The following PPM1L variants were observed in gnomAD, a reference collection of about 807,000 sequenced individuals.
The protein encoded by PPM1L is protein phosphatase, Mg2+/Mn2+ dependent 1L.
Under a neutral mutation model 31.4 loss-of-function variants are expected in PPM1L, and 13 were observed. That is an observed-to-expected ratio of 0.41 (90% confidence interval 0.27 to 0.66). The LOEUF (loss-of-function observed/expected upper bound fraction) is 0.66. Among genes scored for constraint, PPM1L ranks in the 30% least tolerant of loss-of-function variants. The pLI, the probability that PPM1L is intolerant of heterozygous loss-of-function variation, is 0.29. For missense variants in PPM1L, 326 were observed against 453.7 expected (o/e 0.72, Z 2.56); for synonymous variants, 184 against 175.4 (o/e 1.05, Z -0.39).
chr3:161,042,778 T>A (rs994540901), intron 2 of PPM1L, among the ~76,000 whole-genome samples: 1 of 152,146 alleles, frequency 6.6e-6, no homozygotes, highest in African/African-American at 2.4e-5. Context: ...CCCAGCACTT[T>A]GGGAGGCTGA....
At chr3:160,873,586 C>T (rs577612667) in intron 1 of PPM1L, among the ~76,000 whole-genome samples, 3 of 152,110 alleles carry the variant, frequency 2.0e-5, no homozygotes, top group East Asian at 1.9e-4. Context: ...CTCACTCTAT[C>T]GCCCAGGTTA....
chr3:160,769,426 T>C (rs947258169), intron 1 of PPM1L, among the ~76,000 whole-genome samples: 1 of 152,188 alleles, frequency 6.6e-6, no homozygotes, highest in Non-Finnish European at 1.5e-5. Context: ...AGGGATGGTT[T>C]TATTTGGGAG....
At position 160,832,106 on chromosome 3, in the gene PPM1L, T is replaced by C. The variant is rs148417455; in HGVS notation, c.399+75399T>C. ...AAGAGATTAGAGATGTAAAGATGAG[T>C]ATGTGTTCATTTTATTCAGGGAGCT... On this transcript the variant is annotated intron_variant, in intron 1 of 3. Coordinates refer to ENST00000498165, the MANE Select transcript of PPM1L (RefSeq NM_139245.4). Among the ~76,000 whole-genome samples the C allele has an allele frequency of 9.1e-4, 138 of 152,272 alleles. 2 individuals are homozygous for C. The highest frequency in any genetic ancestry group is 3.1e-3 in the African/African-American group (129 of 41,554).
chr3:160,927,353 A>G (rs569004473), intron 1 of PPM1L, among the ~76,000 whole-genome samples: 1 of 152,296 alleles, frequency 6.6e-6, no homozygotes, highest in South Asian at 2.1e-4. Context: ...TGCTGTGGAT[A>G]TTTTTAAAAT....
chr3:160,872,533 A>G (rs975354066), intron 1 of PPM1L, among the ~76,000 whole-genome samples: 1 of 152,236 alleles, frequency 6.6e-6, no homozygotes, highest in Admixed American at 6.5e-5. Flanking sequence ...TATAACAGGG[A>G]ACAAACCAGA....
chr3:160,898,766 C>T (rs1162737632), intron 1 of PPM1L, among the ~76,000 whole-genome samples: 1 of 152,220 alleles, frequency 6.6e-6, no homozygotes, highest in Non-Finnish European at 1.5e-5. Flanking sequence ...GTAGGTGCCA[C>T]TTATGAACAC....
At chr3:160,969,925 A>C (rs1368192636) in intron 2 of PPM1L, among the ~76,000 whole-genome samples, 2 of 152,364 alleles carry the variant, frequency 1.3e-5, no homozygotes, top group South Asian at 2.1e-4. Flanking sequence ...GATAATCTTT[A>C]ATTCTACTAC....
intron 1 of PPM1L, among the ~76,000 whole-genome samples, chr3:160,825,871 A>G (rs748448204): frequency 3.3e-5 from 5 of 152,148 alleles, no homozygotes; most frequent in Non-Finnish European, 7.3e-5. Context: ...AATAGGGCAG[A>G]ATGCAGCCAG....
At chr3:161,057,331 A>T (rs2108103461) in intron 2 of PPM1L, among the ~76,000 whole-genome samples, 1 of 152,158 alleles carries the variant, frequency 6.6e-6, no homozygotes, top group East Asian at 1.9e-4. Context: ...TACCCATTTT[A>T]TGCATTTATA....
chr3:161,048,858 C>T (rs1309741000), intron 2 of PPM1L, among the ~76,000 whole-genome samples: 4 of 138,816 alleles, frequency 2.9e-5, no homozygotes, highest in Non-Finnish European at 6.0e-5. Context: ...CATGTTCTCA[C>T]TTATAAGTGG....
chr3:160,935,874 T>C (rs1161196710), intron 1 of PPM1L, among the ~76,000 whole-genome samples: 1 of 152,210 alleles, frequency 6.6e-6, no homozygotes, highest in Non-Finnish European at 1.5e-5. Context: ...AACAATCCAG[T>C]AAAGCTGGCA....
At chr3:160,757,397 G>A (rs1222939452) in intron 1 of PPM1L, among the ~76,000 whole-genome samples, 1 of 152,272 alleles carries the variant, frequency 6.6e-6, no homozygotes, top group Non-Finnish European at 1.5e-5. Context: ...AGGAGGCGGT[G>A]CTTTGACCTC....
At chr3:160,783,982 T>C (rs1711824170) in intron 1 of PPM1L, among the ~76,000 whole-genome samples, 1 of 152,230 alleles carries the variant, frequency 6.6e-6, no homozygotes, top group South Asian at 2.1e-4. Flanking sequence ...AGGTTACAAG[T>C]ATCTAAAAAG....
chr3:160,790,898 A>G (rs569096151), intron 1 of PPM1L, among the ~76,000 whole-genome samples: 2 of 152,282 alleles, frequency 1.3e-5, no homozygotes, highest in South Asian at 4.1e-4. Flanking sequence ...GAAATTGTTG[A>G]GGATTATGTT....
intron 1 of PPM1L, among the ~76,000 whole-genome samples, chr3:160,828,069 A>G (rs1178380454): frequency 3.3e-5 from 5 of 151,920 alleles, no homozygotes; most frequent in African/African-American, 1.2e-4. Context: ...CACCCTCATG[A>G]CGCAAACACC....
intron 1 of PPM1L, among the ~76,000 whole-genome samples, chr3:160,773,127 T>G (rs759625988): frequency 1.3e-5 from 2 of 152,216 alleles, no homozygotes; most frequent in Non-Finnish European, 2.9e-5. Context: ...ACTGCTCAAC[T>G]GTTTTCCAAA....
intron 1 of PPM1L, among the ~76,000 whole-genome samples, chr3:160,800,404 C>T (rs62272821): frequency 0.034 from 5,233 of 152,040 alleles, 136 homozygotes; most frequent in Middle Eastern, 0.12. Context: ...CTTTTTTCCC[C>T]AAATCCCCTA....
At chr3:161,010,332 T>G (rs899942787) in intron 2 of PPM1L, among the ~76,000 whole-genome samples, 2 of 152,216 alleles carry the variant, frequency 1.3e-5, no homozygotes, top group Admixed American at 1.3e-4. Flanking sequence ...GGACATGAAC[T>G]CATCCTTTTT....
intron 2 of PPM1L, among the ~76,000 whole-genome samples, chr3:160,986,648 A>T (rs1016407691): frequency 2.6e-5 from 4 of 152,202 alleles, no homozygotes; most frequent in Non-Finnish European, 4.4e-5. Flanking sequence ...TCTTCATAGA[A>T]CAGTGAGTTT....
Sources: gnomAD v4.1 joint callset for allele counts (sites outside exome capture counted in the v4.1 genomes callset) on GRCh38, gnomAD v4.1.1 for gene constraint, MANE v1.5 for transcripts, NCBI Gene and HGNC (gene_info 2026-07-23, HGNC 2026-07-21) for gene names.